The following STAM variants were observed in gnomAD, a reference collection of about 807,000 sequenced individuals.
STAM encodes the protein signal transducing adaptor molecule, also known as signal transducing adapter molecule 1.
In STAM, 16 loss-of-function variants were observed where a neutral mutation model predicts 63.4. The ratio of observed to expected loss-of-function variants is 0.25; its 90% CI spans 0.17 to 0.38. The LOEUF (loss-of-function observed/expected upper bound fraction) is 0.38, where lower values mean the gene tolerates loss of function less well. STAM is among the 10% of genes least tolerant of loss of function. The probability of loss-of-function intolerance (pLI) is 1.00; values close to 1 mark genes in which losing one functional copy is unlikely to be tolerated. For missense variants in STAM, 636 were observed against 657.1 expected (o/e 0.97, Z 0.35); for synonymous variants, 238 against 223.9 (o/e 1.06, Z -0.56).
chr10:17,695,267 T>C, intron 7 of STAM, 26 bp downstream of exon 7: 1 of 1,601,336 alleles, frequency 6.2e-7, no homozygotes, highest in South Asian at 1.1e-5. Flanking sequence ...CATTTAAAAT[T>C]TGTATGAAAG....
At chr10:17,679,590 T>A (rs1210211910) in intron 2 of STAM, among the ~76,000 whole-genome samples, 1 of 151,606 alleles carries the variant, frequency 6.6e-6, no homozygotes, top group African/African-American at 2.4e-5. Context: ...TTTTTTTTTT[T>A]TAAATGAAGT....
At chr10:17,695,388 G>C in intron 7 of STAM, 147 bp downstream of exon 7, 3 of 641,506 alleles carry the variant, frequency 4.7e-6, no homozygotes, top group Non-Finnish European at 7.2e-6. Context: ...ATTTGCTTGT[G>C]TTATACTGGG....
chr10:17,706,916 A>C (rs1554829338), intron 12 of STAM, among the ~76,000 whole-genome samples: 1 of 152,226 alleles, frequency 6.6e-6, no homozygotes, highest in African/African-American at 2.4e-5. Context: ...ATGAGGTAAA[A>C]ACCTGTTTTT....
intron 2 of STAM, among the ~76,000 whole-genome samples, chr10:17,679,751 GTTTCT>G (rs1835004236): frequency 6.6e-6 from 1 of 151,674 alleles, no homozygotes; most frequent in Non-Finnish European, 1.5e-5. Flanking sequence ...TCTTAAGTCA[GTTTCT>G]TTTCTTTTTT....
At chr10:17,709,290 T>C (rs1448892601) in intron 13 of STAM, among the ~76,000 whole-genome samples, 1 of 152,270 alleles carries the variant, frequency 6.6e-6, no homozygotes, top group Non-Finnish European at 1.5e-5. Context: ...TAATTTGTCA[T>C]TTTTCCACAC....
chr10:17,702,612 G>C (rs1467485569), intron 9 of STAM, among the ~76,000 whole-genome samples: 2 of 152,134 alleles, frequency 1.3e-5, no homozygotes, highest in African/African-American at 4.8e-5. Flanking sequence ...TTTTATGGGA[G>C]GCAGAAACAA....
rs151295999 is a variant in STAM at position 17,654,373 on chromosome 10, C to T, written c.41-6091C>T. ...AGGTAGCTGGGACTACATGCGCCCA[C>T]CACCAAGCCTGGCTAATTTTTTGTA... On this transcript the variant is annotated intron_variant, in intron 1 of 13. Transcript: ENST00000377524. Among the ~76,000 whole-genome samples, 1,292 of 152,170 alleles carry T rather than the reference C, an allele frequency of 8.5e-3. 13 individuals are homozygous for T. The highest frequency in any genetic ancestry group is 0.011 in the Non-Finnish European group (782 of 68,006).
chr10:17,651,469 G>T (rs1589021299), intron 1 of STAM, among the ~76,000 whole-genome samples: 1 of 152,332 alleles, frequency 6.6e-6, no homozygotes, highest in Middle Eastern at 3.4e-3. Flanking sequence ...GGAGAGAAAT[G>T]TGAAAATTCA....
chr10:17,684,795 A>G (rs529044895), intron 3 of STAM, 37 bp from the exon 4 acceptor site: 434 of 1,613,468 alleles, frequency 2.7e-4, no homozygotes, highest in Non-Finnish European at 3.6e-4. Context: ...TACCTGCCAC[A>G]ATTGAGCCCC....
chr10:17,660,950 AT>A (rs1834143298), intron 2 of STAM, among the ~76,000 whole-genome samples: 1 of 151,878 alleles, frequency 6.6e-6, no homozygotes, highest in Non-Finnish European at 1.5e-5. Flanking sequence ...CTGGAATCTC[AT>A]TTTTTCCACT....
chr10:17,696,230 T>C (rs1835749758), intron 7 of STAM: 1 of 152,166 alleles, frequency 6.6e-6, no homozygotes, highest in South Asian at 2.1e-4. Flanking sequence ...CCCAAAACCT[T>C]ACGTCTGTTC....
intron 12 of STAM, 92 bp from the exon 13 acceptor site, chr10:17,708,684 C>G: frequency 9.0e-4 from 1,138 of 1,258,458 alleles, no homozygotes; most frequent in East Asian, 1.6e-3. Flanking sequence ...GGTGATTTTT[C>G]TTGTTTTTGT....
intron 8 of STAM, among the ~76,000 whole-genome samples, chr10:17,699,776 T>C (rs1835911876): frequency 6.6e-6 from 1 of 152,204 alleles, no homozygotes; most frequent in Admixed American, 6.5e-5. Flanking sequence ...AGATTTTTTT[T>C]TTCTACCAAA....
chr10:17,670,467 G>A (rs1247401396), intron 2 of STAM, among the ~76,000 whole-genome samples: 6 of 152,096 alleles, frequency 3.9e-5, no homozygotes, highest in Non-Finnish European at 5.9e-5. Context: ...GCTTGTATGA[G>A]CAGTTATATT....
intron 8 of STAM, 106 bp downstream of exon 8, chr10:17,696,975 A>AG: frequency 1.2e-6 from 1 of 829,608 alleles, no homozygotes; most frequent in Non-Finnish European, 2.0e-6. Flanking sequence ...GCTGGAGTGC[A>AG]GTGGTGCGAG....
intron 13 of STAM, among the ~76,000 whole-genome samples, chr10:17,712,383 T>C (rs1296782643): frequency 6.6e-6 from 1 of 152,212 alleles, no homozygotes; most frequent in Non-Finnish European, 1.5e-5. Flanking sequence ...AGTATGAAAT[T>C]TGACATCTCC....
rs1554830890 is a variant in STAM at position 17,716,049 on chromosome 10, G to T, written c.*1269G>T. On this transcript the variant is annotated 3_prime_UTR_variant, in exon 14 of 14. Transcript: ENST00000377524. The stretch of plus-strand genomic sequence containing the variant: ...TACTTGGGAATATTTTCAAATGAAT[G>T]CTTTTCTTTTAATTCATGCGAAAAA... 6.6e-6 allele frequency: 1 copy of T among 152,338 alleles called. No homozygotes were observed. The highest frequency in any genetic ancestry group is 2.4e-5 in the African/African-American group (1 of 41,412). The allele number at this position is 152,338 out of a possible 1,614,324, so 9.4% of individuals were successfully genotyped here.
chr10:17,688,190 GTT>G lies in STAM; in HGVS notation c.444+18_444+19del. 3 of 1,516,434 alleles carry G rather than the reference GTT, an allele frequency of 2.0e-6. No individual in the cohort carries two copies. The highest frequency in any genetic ancestry group is 2.7e-6 in the Non-Finnish European group (3 of 1,130,282). 93.9% of individuals were successfully genotyped at this position (1,516,434 alleles called of 1,614,324 possible). ...GGCTCTCAGGTATTTTGGGAATGAA[GTT>G]GTGTGTGTGCTACAGTTTGTTTCTC... On this transcript the variant is annotated intron_variant, in intron 5 of 13. Coordinates refer to ENST00000377524, the MANE Select transcript of STAM (RefSeq NM_003473.4).
chr10:17,707,578 C>A (rs1341609753), intron 12 of STAM, among the ~76,000 whole-genome samples: 1 of 152,008 alleles, frequency 6.6e-6, no homozygotes, highest in Non-Finnish European at 1.5e-5. Flanking sequence ...CTAGAGGGCA[C>A]CTGCTTTAGA....
Sources: gnomAD v4.1 joint callset for allele counts (sites outside exome capture counted in the v4.1 genomes callset) on GRCh38, gnomAD v4.1.1 for gene constraint, MANE v1.5 for transcripts, NCBI Gene and HGNC (gene_info 2026-07-23, HGNC 2026-07-21) for gene names.